CLVS1: variants seen among roughly 807,000 people sequenced by gnomAD.
The protein encoded by CLVS1 is clavesin 1, also known as clavesin-1.
Under a neutral mutation model 33.1 loss-of-function variants are expected in CLVS1, and 10 were observed. The ratio of observed to expected loss-of-function variants is 0.30; its 90% CI spans 0.19 to 0.51. CLVS1 has a LOEUF of 0.51. Ranked by LOEUF, CLVS1 falls within the 20% of genes least tolerant of loss-of-function variation. The pLI is 0.97. For synonymous variants in CLVS1, 163 were observed against 166.1 expected (o/e 0.98, Z 0.14); for missense variants, 343 against 433.4 (o/e 0.79, Z 1.85).
chr8:61,014,360 G>A, the CLVS1 span, among the ~76,000 whole-genome samples: 3 of 152,190 alleles, frequency 2.0e-5, no homozygotes, highest in South Asian at 2.1e-4. Context: ...AAATGTAATC[G>A]GAAGCCTGAG....
chr8:61,350,549 G>T (rs1035597362), intron 2 of CLVS1, among the ~76,000 whole-genome samples: 9 of 152,144 alleles, frequency 5.9e-5, no homozygotes, highest in African/African-American at 1.9e-4. Flanking sequence ...TGAAGATAAG[G>T]TAATGCTGTA....
At chr8:61,437,733 T>C (rs1563553178) in intron 3 of CLVS1, among the ~76,000 whole-genome samples, 1 of 152,216 alleles carries the variant, frequency 6.6e-6, no homozygotes, top group Non-Finnish European at 1.5e-5. Context: ...CAAAGTCAAG[T>C]CAAACACATG....
intron 2 of CLVS1, among the ~76,000 whole-genome samples, chr8:61,278,395 G>A (rs1318769908): frequency 1.3e-5 from 2 of 152,182 alleles, no homozygotes; most frequent in Admixed American, 6.5e-5. Context: ...GTCTTGGATT[G>A]CTAGAAAATG....
At position 61,458,197 on chromosome 8, in the gene CLVS1, G is replaced by A. The variant is rs978231488; in HGVS notation, c.742-110G>A. The A allele has an allele frequency of 2.6e-5, 19 of 733,736 alleles. No individual in the cohort carries two copies. The African/African-American group carries it at 3.0e-4, about 11-fold the overall frequency. The allele number at this position is 733,736 out of a possible 1,614,324, so 45.5% of individuals were successfully genotyped here. ...AAATCAATGCCTCTTTAAACACTGT[G>A]ATCACCAGCAGTGCATCCAATTTGT... On this transcript the variant is annotated intron_variant, in intron 4 of 5. Coordinates refer to ENST00000325897, the MANE Select transcript of CLVS1 (RefSeq NM_173519.3).
chr8:61,233,171 GTAA>G (rs1808481584), intron 2 of CLVS1, among the ~76,000 whole-genome samples: 1 of 152,160 alleles, frequency 6.6e-6, no homozygotes, highest in South Asian at 2.1e-4. Flanking sequence ...TTCTCCCTCA[GTAA>G]TAATTGAGAA....
intron 1 of CLVS1, among the ~76,000 whole-genome samples, chr8:61,299,049 T>C (rs890223222): frequency 6.6e-6 from 1 of 152,146 alleles, no homozygotes; most frequent in Non-Finnish European, 1.5e-5. Context: ...TTGTTGAATT[T>C]GATTATTGGA....
At chr8:61,013,017 G>A in the CLVS1 span, among the ~76,000 whole-genome samples, 10 of 152,204 alleles carry the variant, frequency 6.6e-5, no homozygotes, top group South Asian at 1.0e-3. Context: ...ATCCCTTGCC[G>A]TCCATCTTGG....
intron 2 of CLVS1, among the ~76,000 whole-genome samples, chr8:61,184,638 C>G (rs1034237593): frequency 6.6e-6 from 1 of 152,128 alleles, no homozygotes; most frequent in African/African-American, 2.4e-5. Flanking sequence ...GCCAGCAAAA[C>G]GGAAACTGAA....
At chr8:61,073,169 T>C (rs186880417) in intron 1 of CLVS1, among the ~76,000 whole-genome samples, 101 of 152,346 alleles carry the variant, frequency 6.6e-4, no homozygotes, top group African/African-American at 1.8e-3. Context: ...TTAGGAAGAA[T>C]CAGATACATA....
chr8:61,113,106 T>C (rs1805659381), intron 1 of CLVS1, among the ~76,000 whole-genome samples: 1 of 152,050 alleles, frequency 6.6e-6, no homozygotes, highest in Admixed American at 6.6e-5. Context: ...AGGGTCCCTA[T>C]GTGAGAAGCA....
intron 3 of CLVS1, among the ~76,000 whole-genome samples, chr8:61,453,812 G>A (rs1817050637): frequency 1.3e-5 from 2 of 152,168 alleles, no homozygotes. Flanking sequence ...CTAACGCAAT[G>A]AAGAATTCAG....
intron 2 of CLVS1, among the ~76,000 whole-genome samples, chr8:61,221,806 T>C (rs1172523853): frequency 6.6e-6 from 1 of 152,320 alleles, no homozygotes; most frequent in Non-Finnish European, 1.5e-5. Flanking sequence ...TGTGAATCCA[T>C]CTAATCCTGG....
At chr8:61,252,621 T>C (rs1453188428) in intron 2 of CLVS1, among the ~76,000 whole-genome samples, 1 of 152,208 alleles carries the variant, frequency 6.6e-6, no homozygotes, top group East Asian at 1.9e-4. Flanking sequence ...TGCATATATA[T>C]TTAGGATAAT....
intron 3 of CLVS1, among the ~76,000 whole-genome samples, chr8:61,395,884 T>C (rs903994259): frequency 1.3e-5 from 2 of 152,158 alleles, no homozygotes; most frequent in African/African-American, 4.8e-5. Flanking sequence ...GTTTTCAAGG[T>C]AAGATATTTT....
At chr8:61,176,421 C>T (rs1342567587) in intron 2 of CLVS1, among the ~76,000 whole-genome samples, 1 of 152,082 alleles carries the variant, frequency 6.6e-6, no homozygotes, top group Non-Finnish European at 1.5e-5. Context: ...GAATTTCTGC[C>T]CAGCTGAGTC....
rs561657912 is a variant in CLVS1 at position 61,289,762 on chromosome 8, T to C, written c.-152+1624T>C. ...TCGAAAATAAAGACAGTCACAAATA[T>C]GTATCTTGCGGAAGAAGTTCTGAGG... is the stretch of plus-strand genomic sequence containing the variant. On this transcript the variant is annotated intron_variant, in intron 1 of 5. Coordinates refer to ENST00000325897, the MANE Select transcript of CLVS1 (RefSeq NM_173519.3). 3.9e-5 allele frequency among the ~76,000 whole-genome samples: 6 copies of C among 152,350 alleles called. No individual in the cohort carries two copies. In the East Asian group the frequency reaches 5.8e-4, roughly 15 times the overall value.
At chr8:60,966,567 T>C in the CLVS1 span, 7 of 280,522 alleles carry the variant, frequency 2.5e-5, no homozygotes, top group Non-Finnish European at 5.1e-5. Context: ...GAAATAAACA[T>C]AGTAAAGATG....
intron 5 of CLVS1, among the ~76,000 whole-genome samples, chr8:61,480,596 C>A (rs200371248): frequency 1.3e-5 from 2 of 152,042 alleles, no homozygotes; most frequent in African/African-American, 4.8e-5. Context: ...TGTCCTGCAC[C>A]CACTGTCCGG....
chr8:61,315,012 C>A (rs1810963594), intron 2 of CLVS1, among the ~76,000 whole-genome samples: 1 of 152,134 alleles, frequency 6.6e-6, no homozygotes, highest in South Asian at 2.1e-4. Context: ...GCCCAATGGA[C>A]CAGCAGGCAA....
Sources: gnomAD v4.1 joint callset for allele counts (sites outside exome capture counted in the v4.1 genomes callset) on GRCh38, gnomAD v4.1.1 for gene constraint, MANE v1.5 for transcripts, NCBI Gene and HGNC (gene_info 2026-07-23, HGNC 2026-07-21) for gene names.